Variants in MYO5C observed in about 807,000 individuals in gnomAD.
MYO5C encodes myosin VC.
Under a neutral mutation model 235.7 loss-of-function variants are expected in MYO5C, and 194 were observed. That is an observed-to-expected ratio of 0.82 (90% CI 0.73 to 0.93). The LOEUF (loss-of-function observed/expected upper bound fraction) is 0.93, where lower values mean the gene tolerates loss of function less well. Among genes scored for constraint, MYO5C ranks in the 40% least tolerant of loss-of-function variants. MYO5C has a pLI of 0.00. For synonymous variants in MYO5C, 707 were observed against 754.8 expected, an observed-to-expected ratio of 0.94 and a Z score of 1.04; for missense variants, 2,038 against 2,127.2, an observed-to-expected ratio of 0.96 and a Z score of 0.82.
intron 23 of MYO5C, 95 bp from the exon 24 acceptor site, chr15:52,232,780 CAT>C: frequency 9.2e-7 from 1 of 1,084,850 alleles, no homozygotes; most frequent in Non-Finnish European, 1.4e-6. Context: ...TCAGGACAAT[CAT>C]GTGATGTTTA....
chr15:52,276,115 G>A (rs534688608), intron 4 of MYO5C, among the ~76,000 whole-genome samples: 208 of 152,102 alleles, frequency 1.4e-3, no homozygotes, highest in African/African-American at 4.6e-3. Context: ...TTTCTAGATG[G>A]ACCCTGTGTA....
chr15:52,238,559 G>C (rs1379955068), intron 21 of MYO5C, among the ~76,000 whole-genome samples: 3 of 152,240 alleles, frequency 2.0e-5, no homozygotes, highest in African/African-American at 4.8e-5. Context: ...CTGGGAGTGA[G>C]TTTTACGGAT....
intron 24 of MYO5C, among the ~76,000 whole-genome samples, chr15:52,230,210 T>A (rs1317834935): frequency 6.6e-6 from 1 of 152,150 alleles, no homozygotes; most frequent in South Asian, 2.1e-4. Flanking sequence ...TGAAAAGAGA[T>A]ACATAACCTA....
intron 14 of MYO5C, 90 bp downstream of exon 14, chr15:52,248,610 T>C (rs563421895): frequency 2.2e-6 from 2 of 891,646 alleles, no homozygotes; most frequent in East Asian, 2.6e-5. Context: ...ACACACACTC[T>C]CTCTCTCTCT....
Position 52,272,186 on chromosome 15 carries a change from T to C in MYO5C, c.751-342A>G, listed in dbSNP as rs192357634. 1.0e-3 allele frequency among the ~76,000 whole-genome samples: 154 copies of C among 152,356 alleles called. 1 individual carries two copies. Among genetic ancestry groups the C allele is most frequent in the African/African-American group, 3.6e-3 (150 of 41,582 alleles). ...GCCAAAACGATGAGAAATTTCTCCATTTACTGGCAGAAAAGCCTTTCTTTT... is the reference window on the plus strand; with the variant it reads ...GCCAAAACGATGAGAAATTTCTCCACTTACTGGCAGAAAAGCCTTTCTTTT... On this transcript the variant is annotated intron_variant, in intron 6 of 40. Coordinates refer to ENST00000261839, the MANE Select transcript of MYO5C (RefSeq NM_018728.4).
intron 25 of MYO5C, among the ~76,000 whole-genome samples, chr15:52,227,927 A>T (rs1470765666): frequency 2.0e-5 from 3 of 152,232 alleles, no homozygotes; most frequent in African/African-American, 7.2e-5. Flanking sequence ...TCACATATTT[A>T]GTAGAAGCTT....
At chr15:52,205,581 G>C in intron 37 of MYO5C, 1 of 350,508 alleles carries the variant, frequency 2.9e-6, no homozygotes, top group Non-Finnish European at 5.1e-6. Flanking sequence ...GTTTCCCCAA[G>C]TTTTTTCCTT....
chr15:52,225,007 TC>T, intron 27 of MYO5C, 26 bp from the exon 28 acceptor site: 1 of 1,613,490 alleles, frequency 6.2e-7, no homozygotes, highest in South Asian at 1.1e-5. Flanking sequence ...GATAAGAAAA[TC>T]TATCATCTCT....
intron 1 of MYO5C, among the ~76,000 whole-genome samples, chr15:52,289,810 C>T (rs1458877097): frequency 6.6e-6 from 1 of 152,348 alleles, no homozygotes; most frequent in Admixed American, 6.5e-5. Context: ...CCTGGGCAAC[C>T]AGCATTCTGG....
chr15:52,264,113 G>A (rs1455551891), intron 9 of MYO5C, 77 bp downstream of exon 9: 9 of 1,139,920 alleles, frequency 7.9e-6, no homozygotes, highest in Non-Finnish European at 1.1e-5. Context: ...GTGCTAAAAA[G>A]CAAAGGCAGG....
chr15:52,224,974 C>A lies in MYO5C; in HGVS notation c.3373G>T (p.Val1125Leu). The A allele has an allele frequency of 1.9e-6, 3 of 1,614,040 alleles. No individual in the cohort carries two copies. The highest frequency in any genetic ancestry group is 1.7e-4 in the Middle Eastern group (1 of 6,058). The change falls in exon 28 of 41, where the codon GTG becomes TTG. Residue 1125 changes from valine (V) to leucine (L), a missense_variant. Val to Leu is a conservative substitution (Grantham distance 32). Coordinates refer to ENST00000261839, the MANE Select transcript of MYO5C (RefSeq NM_018728.4). ...TCATTTAAATGTTCCAGATCTTCCA[C>A]AGAGAGCCTGCAAAATAAGGAAGAT... Reference protein sequence around the residue: ...DIEDVRSRLSVEDLEHLNEDG... With the variant: ...DIEDVRSRLSLEDLEHLNEDG...
Position 52,208,609 on chromosome 15 carries a change from C to T in MYO5C, c.4331G>A (p.Trp1444Ter), listed in dbSNP as rs1179183778. Residue 1444 changes from tryptophan (W) to a stop codon, truncating the protein, a stop_gained, in exon 36 of 41, where the codon TGG becomes TAG. Coordinates refer to ENST00000261839, the MANE Select transcript of MYO5C (RefSeq NM_018728.4). LOFTEE classifies it high-confidence loss of function. Reference protein sequence around the residue: ...HLEDFEMLSFWLSNTCHFLNC... With the variant: ...HLEDFEMLSF ...GAGAAAATGACAAGTGTTGGAAAGC[C>T]AAAAGGACAGCATTTCAAAGTCTTC... 6.2e-7 allele frequency: 1 copy of T among 1,614,044 alleles called. No homozygotes were observed. Among genetic ancestry groups the T allele is most frequent in the Non-Finnish European group, 8.5e-7 (1 of 1,179,968 alleles).
intron 7 of MYO5C, among the ~76,000 whole-genome samples, chr15:52,270,507 TGATGA>T (rs1017872448): frequency 1.3e-5 from 2 of 152,114 alleles, no homozygotes; most frequent in Admixed American, 1.3e-4. Context: ...ACGTACGATT[TGATGA>T]ATTTTTGACA....
rs373396798 is a variant in MYO5C, at chr15:52,245,339, G to A, written c.2178+15C>T. The stretch of plus-strand genomic sequence containing the variant: ...CAGGAAGGAGACCATGATCCCAGGA[G>A]GTGGGGAAACTGACCTGGATGAGTC... On this transcript the variant is annotated intron_variant, in intron 18 of 40. Coordinates refer to ENST00000261839, the MANE Select transcript of MYO5C (RefSeq NM_018728.4). 5 of 1,537,548 alleles carry A rather than the reference G, an allele frequency of 3.3e-6. No individual in the cohort carries two copies. The highest frequency in any genetic ancestry group is 4.5e-6 in the Non-Finnish European group (5 of 1,110,258).
chr15:52,258,656 G>C (rs561977583), intron 10 of MYO5C, among the ~76,000 whole-genome samples: 95 of 152,354 alleles, frequency 6.2e-4, no homozygotes, highest in Non-Finnish European at 4.4e-4. Flanking sequence ...CTGCTGGAGG[G>C]GGCGGGAAAG....
chr15:52,199,160 T>G (rs1011458389), intron 38 of MYO5C, among the ~76,000 whole-genome samples: 4 of 152,016 alleles, frequency 2.6e-5, no homozygotes, highest in Non-Finnish European at 5.9e-5. Flanking sequence ...CCCAAAGTGC[T>G]GGGATTTACA....
Position 52,193,742 on chromosome 15 carries a change from C to T in MYO5C, c.*160G>A. ...AATTCTTACAAAATTACAGGAGCAGCATTGTCACTGTGAGTGAGAGATGAT... is the reference window on the plus strand; with the variant it reads ...AATTCTTACAAAATTACAGGAGCAGTATTGTCACTGTGAGTGAGAGATGAT... On this transcript the variant is annotated 3_prime_UTR_variant, in exon 41 of 41. Transcript: ENST00000261839. 1.4e-6 allele frequency: 1 copy of T among 701,504 alleles called. No homozygotes were observed. The highest frequency in any genetic ancestry group is 2.7e-5 in the East Asian group (1 of 36,426). The allele number at this position is 701,504 out of a possible 1,614,324, so 43.5% of individuals were successfully genotyped here. A position where few individuals can be genotyped will look rare whatever the true frequency, so the allele number is the denominator to read the frequency against.
Position 52,193,311 on chromosome 15 carries a change from T to C in MYO5C, c.*591A>G, listed in dbSNP as rs2034975418. 3.4e-5 allele frequency: 1 copy of C among 29,592 alleles called. No homozygotes were observed. Among genetic ancestry groups the C allele is most frequent in the Admixed American group, 5.4e-4 (1 of 1,836 alleles). The allele number at this position is 29,592 out of a possible 1,614,324, so 1.8% of individuals were successfully genotyped here. The stretch of plus-strand genomic sequence containing the variant: ...CTGGCGATAGAGCGAGACTCCGGAG[T>C]CTCAAAAAAAAAAAAAAAAAAAAAT... On this transcript the variant is annotated 3_prime_UTR_variant, in exon 41 of 41. Coordinates refer to ENST00000261839, the MANE Select transcript of MYO5C (RefSeq NM_018728.4).
intron 16 of MYO5C, 53 bp downstream of exon 16, chr15:52,246,864 T>C (rs2036358971): frequency 2.1e-6 from 3 of 1,458,528 alleles, no homozygotes; most frequent in Non-Finnish European, 2.8e-6. Flanking sequence ...TCCAACTTTA[T>C]GGCAGAAACT....
Sources: allele counts gnomAD v4.1 joint callset (sites outside exome capture counted in the v4.1 genomes callset), GRCh38; gene constraint gnomAD v4.1.1; transcripts MANE v1.5; gene names NCBI Gene and HGNC (gene_info 2026-07-23, HGNC 2026-07-21).